Variants in LENG9 observed in about 807,000 individuals in gnomAD.
The protein encoded by LENG9 is leukocyte receptor cluster (LRC) member 9.
For synonymous variants in LENG9, 410 were observed against 303.9 expected (o/e 1.35, Z -3.63); for missense variants, 872 against 652.7 (o/e 1.34, Z -3.66).
chr19:54,463,051 A>G lies in LENG9; in HGVS notation c.476T>C (p.Leu159Pro). Residue 159 changes from leucine (L) to proline (P), a missense_variant, in exon 1 of 1, where the codon CTG (leucine) becomes CCG (proline). Physicochemically the swap from Leu to Pro is moderately conservative, Grantham distance 98. Coordinates refer to ENST00000611161, the MANE Select transcript of LENG9 (RefSeq NM_001301782.2). The part of the protein sequence containing the change: ...GSAAGRGPTI[L>P]DAPNTEGAHG... The stretch of plus-strand genomic sequence containing the variant: ...GGCGCCCTCGGTGTTCGGTGCGTCC[A>G]GGATGGTGGGCCCGCGTCCCGCCGC... The G allele has an allele frequency of 1.2e-6, 2 of 1,602,110 alleles. No individual in the cohort carries two copies. The highest frequency in any genetic ancestry group is 8.5e-7 in the Non-Finnish European group (1 of 1,179,168).
chr19:54,463,587 C>G lies in LENG9; in HGVS notation c.-61G>C. The G allele has an allele frequency of 6.0e-6, 8 of 1,336,140 alleles. No individual in the cohort carries two copies. The highest frequency in any genetic ancestry group is 7.7e-6 in the Non-Finnish European group (8 of 1,036,044). The allele number at this position is 1,336,140 out of a possible 1,614,324, so 82.8% of individuals were successfully genotyped here. A position where few individuals can be genotyped will look rare whatever the true frequency, so the allele number is the denominator to read the frequency against. Reference sequence around the variant, plus strand: ...AGGTCGCCCCGCACGGAGGGCGGCTCCCCTTGGATGCACCGAGCCTCACCC... The same window carrying G: ...AGGTCGCCCCGCACGGAGGGCGGCTGCCCTTGGATGCACCGAGCCTCACCC... On this transcript the variant is annotated 5_prime_UTR_variant, in exon 1 of 1. Transcript: ENST00000611161.
Position 54,462,032 on chromosome 19 carries a change from T to G in LENG9, c.*58A>C. The G allele has an allele frequency of 6.6e-7, 1 of 1,524,030 alleles. No homozygotes were observed. Among genetic ancestry groups the G allele is most frequent in the Non-Finnish European group, 8.8e-7 (1 of 1,131,706 alleles). 94.4% of individuals were successfully genotyped at this position (1,524,030 alleles called of 1,614,324 possible). On this transcript the variant is annotated 3_prime_UTR_variant, in exon 1 of 1. Coordinates refer to ENST00000611161, the MANE Select transcript of LENG9 (RefSeq NM_001301782.2). ...AAAGAGAGAGCGTGCACGCTCCTGC[T>G]TTGTCTTTCCTGTGTGGGCTGTTTG...
Position 54,461,976 on chromosome 19 carries a change from G to A in LENG9, c.*114C>T. 2 of 1,207,176 alleles carry A rather than the reference G, an allele frequency of 1.7e-6. No individual in the cohort carries two copies. The highest frequency in any genetic ancestry group is 3.8e-5 in the Admixed American group (2 of 52,428). 74.8% of individuals were successfully genotyped at this position (1,207,176 alleles called of 1,614,324 possible). A position where few individuals can be genotyped will look rare whatever the true frequency, so the allele number is the denominator to read the frequency against. On this transcript the variant is annotated 3_prime_UTR_variant, in exon 1 of 1. Transcript: ENST00000611161. ...TCCTTGGAGCACTGAGCACCATTTG[G>A]AAGCTTGAGAGAAACCAAAATTAAA...
chr19:54,462,501 C>T lies in LENG9; in HGVS notation c.1026G>A (p.Leu342=), dbSNP rs138616135. 5 of 1,613,372 alleles carry T rather than the reference C, an allele frequency of 3.1e-6. No individual in the cohort carries two copies. Among genetic ancestry groups the T allele is most frequent in the African/African-American group, 2.7e-5 (2 of 74,920 alleles). ...LVPSQNLHLT[L]ALLRLAGAGE... ...CAGCGCCTGCCAGTCGCAGCAGGGC[C>T]AGGGTCAGGTGTAGGTTCTGAGAGG... The change falls in exon 1 of 1, where the codon CTG becomes CTA. Residue 342 remains leucine, a synonymous_variant. Coordinates refer to ENST00000611161, the MANE Select transcript of LENG9 (RefSeq NM_001301782.2).
chr19:54,462,306 CA>C lies in LENG9; in HGVS notation c.1220del (p.Leu407ArgfsTer6). On this transcript the variant is annotated frameshift_variant, in exon 1 of 1. Transcript: ENST00000611161. LOFTEE classifies it low-confidence loss of function (END_TRUNC). ...GTAGTGTACTCAGCCCCTCGGCTTCCAGCCTCTGGCTCAGCACTTGTGCCAT... is the reference window on the plus strand; with the variant it reads ...GTAGTGTACTCAGCCCCTCGGCTTCCGCCTCTGGCTCAGCACTTGTGCCAT... ...ESMAQVLSQRLEAEGLSTLQS... is the reference protein window; with the variant it reads ...ESMAQVLSQRXEAEGLSTLQS... 3.7e-6 allele frequency: 6 copies of C among 1,602,572 alleles called. No homozygotes were observed. The highest frequency in any genetic ancestry group is 5.1e-6 in the Non-Finnish European group (6 of 1,172,548).
In LENG9 at chr19:54,463,454, G is replaced by C. The variant is rs1438762625; in HGVS notation, c.73C>G (p.Arg25Gly). 3.6e-5 allele frequency: 46 copies of C among 1,275,978 alleles called. No individual in the cohort carries two copies. Among genetic ancestry groups the C allele is most frequent in the Non-Finnish European group, 4.4e-5 (45 of 1,011,264 alleles). The allele number at this position is 1,275,978 out of a possible 1,614,324, so 79.0% of individuals were successfully genotyped here. Reference protein sequence around the residue: ...ATEPAPPPACRFFLEGRCRFG... With the variant: ...ATEPAPPPACGFFLEGRCRFG... ...CGGCAGCGGCCTTCCAGGAAGAAGC[G>C]GCAGGCCGGCGGGGGCGCGGGTTCC... The change falls in exon 1 of 1, where the codon CGC (arginine) becomes GGC (glycine). Residue 25 changes from arginine to glycine, a missense_variant. Coordinates refer to ENST00000611161, the MANE Select transcript of LENG9 (RefSeq NM_001301782.2).
At position 54,462,707 on chromosome 19, in the gene LENG9, ACTCGGCTTCTGTCGT is replaced by A; in HGVS notation, c.805_819del (p.Thr269_Glu273del). On this transcript the variant is annotated inframe_deletion, in exon 1 of 1. Coordinates refer to ENST00000611161, the MANE Select transcript of LENG9 (RefSeq NM_001301782.2). The stretch of plus-strand genomic sequence containing the variant: ...TCCTCGGGCCAGGCCGCAGGACCCC[ACTCGGCTTCTGTCGT>A]CTCAGCGGAGCCCCCCGGGACTCCC... The A allele has an allele frequency of 6.2e-7, 1 of 1,610,548 alleles. No individual in the cohort carries two copies. The highest frequency in any genetic ancestry group is 1.7e-5 in the Admixed American group (1 of 59,992).
In LENG9 at chr19:54,462,010, G is replaced by C; in HGVS notation, c.*80C>G. 1 of 1,451,842 alleles carries C rather than the reference G, an allele frequency of 6.9e-7. No homozygotes were observed. Among genetic ancestry groups the C allele is most frequent in the Non-Finnish European group, 9.4e-7 (1 of 1,064,720 alleles). The allele number at this position is 1,451,842 out of a possible 1,614,324, so 89.9% of individuals were successfully genotyped here. On this transcript the variant is annotated 3_prime_UTR_variant, in exon 1 of 1. Coordinates refer to ENST00000611161, the MANE Select transcript of LENG9 (RefSeq NM_001301782.2). ...GAGAAACCAAAATTAAAGAGAGAAA[G>C]AGAGAGCGTGCACGCTCCTGCTTTG...
chr19:54,463,673 G>T lies in LENG9; in HGVS notation c.-147C>A. 9.0e-7 allele frequency: 1 copy of T among 1,112,474 alleles called. No individual in the cohort carries two copies. 68.9% of individuals were successfully genotyped at this position (1,112,474 alleles called of 1,614,324 possible). On this transcript the variant is annotated 5_prime_UTR_variant, in exon 1 of 1. Coordinates refer to ENST00000611161, the MANE Select transcript of LENG9 (RefSeq NM_001301782.2). Reference sequence around the variant, plus strand: ...TCTGGGGACCACGCCGCGTGCCCTCGCGAGGACTCTGGCCCAGTCCCTCCT... The same window carrying T: ...TCTGGGGACCACGCCGCGTGCCCTCTCGAGGACTCTGGCCCAGTCCCTCCT...
In LENG9 at chr19:54,462,576, G is replaced by T; in HGVS notation, c.951C>A (p.Ala317=). The T allele has an allele frequency of 6.2e-7, 1 of 1,613,794 alleles. No individual in the cohort carries two copies. The highest frequency in any genetic ancestry group is 8.5e-7 in the Non-Finnish European group (1 of 1,180,020). ...GGGCCACGTGGACCAGGTATTCCTG[G>T]GCCTTGGTCACTTCTGCTTGTAGCC... The part of the protein sequence containing the change: ...EPGLQAEVTK[A]QEYLVHVAPH... Residue 317 remains alanine, a synonymous_variant, in exon 1 of 1, where the codon GCC becomes GCA. Coordinates refer to ENST00000611161, the MANE Select transcript of LENG9 (RefSeq NM_001301782.2).
In LENG9 at chr19:54,463,005, C is replaced by A. The variant is rs772171575; in HGVS notation, c.522G>T (p.Glu174Asp). ...TEGAHGAEGAEWTLAGTGQEA... is the reference protein window; with the variant it reads ...TEGAHGAEGADWTLAGTGQEA... ...CCTGACCTGTCCCCGCCAGTGTCCA[C>A]TCGGCACCCTCTGCCCCGTGGGCGC... Residue 174 changes from glutamate to aspartate, a missense_variant, in exon 1 of 1, where the codon GAG becomes GAT. Glu to Asp is a conservative substitution (Grantham distance 45). Transcript: ENST00000611161. The A allele has an allele frequency of 6.2e-7, 1 of 1,605,568 alleles. No individual in the cohort carries two copies. The highest frequency in any genetic ancestry group is 2.2e-5 in the East Asian group (1 of 44,856).
Position 54,462,567 on chromosome 19 carries a change from G to GTACC in LENG9, c.959_960insGGTA (p.Tyr320Ter), listed in dbSNP as rs775982905. On this transcript the variant is annotated stop_gained and frameshift_variant, in exon 1 of 1. Transcript: ENST00000611161. LOFTEE classifies it low-confidence loss of function (END_TRUNC). ...CGCAGTGTGGGGCCACGTGGACCAG[G>GTACC]TATTCCTGGGCCTTGGTCACTTCTG... The GTACC allele has an allele frequency of 1.9e-6, 3 of 1,613,788 alleles. No individual in the cohort carries two copies. The highest frequency in any genetic ancestry group is 2.5e-6 in the Non-Finnish European group (3 of 1,180,028).
At position 54,462,289 on chromosome 19, in the gene LENG9, C is replaced by T. The variant is rs114613410; in HGVS notation, c.1238G>A (p.Ser413Asn). Residue 413 changes from serine (S) to asparagine (N), a missense_variant, in exon 1 of 1, where the codon AGT becomes AAT. Ser to Asn is a conservative substitution (Grantham distance 46). Coordinates refer to ENST00000611161, the MANE Select transcript of LENG9 (RefSeq NM_001301782.2). ...LSQRLEAEGL[S>N]TLQSPGQLHP... Reference sequence around the variant, plus strand: ...CAGCTGCCCTGGAGACTGTAGTGTACTCAGCCCCTCGGCTTCCAGCCTCTG... The same window carrying T: ...CAGCTGCCCTGGAGACTGTAGTGTATTCAGCCCCTCGGCTTCCAGCCTCTG... 5.6e-5 allele frequency: 90 copies of T among 1,603,152 alleles called. No individual in the cohort carries two copies. In the African/African-American group the frequency reaches 9.7e-4, roughly 17 times the overall value.
rs889571859 is a variant in LENG9, at chr19:54,461,881, T to G, written c.*209A>C. On this transcript the variant is annotated 3_prime_UTR_variant, in exon 1 of 1. Transcript: ENST00000611161. ...CAAACAGCTGGACTGTCAGGCTGCT[T>G]TTTTTCCAGATGTTCCTCCTCTGCC... The G allele has an allele frequency of 4.0e-6, 3 of 756,248 alleles. No individual in the cohort carries two copies. Among genetic ancestry groups the G allele is most frequent in the Non-Finnish European group, 7.2e-6 (3 of 416,672 alleles). The allele number at this position is 756,248 out of a possible 1,614,324, so 46.8% of individuals were successfully genotyped here.
In LENG9 at chr19:54,462,777, TGTG is replaced by T; in HGVS notation, c.747_749del (p.Thr250del). Reference sequence around the variant, plus strand: ...CCTGTGCTTCCTTGCCCCCCAGCAATGTGGTCCTGGTGGCTGCTGTTGGCTTCA... The same window carrying T: ...CCTGTGCTTCCTTGCCCCCCAGCAATGTCCTGGTGGCTGCTGTTGGCTTCA... On this transcript the variant is annotated inframe_deletion, in exon 1 of 1. Transcript: ENST00000611161. 1.2e-6 allele frequency: 2 copies of T among 1,610,142 alleles called. No individual in the cohort carries two copies. Among genetic ancestry groups the T allele is most frequent in the African/African-American group, 2.7e-5 (2 of 74,150 alleles).
chr19:54,462,100 G>T lies in LENG9; in HGVS notation c.1427C>A (p.Pro476His), dbSNP rs10423424. Residue 476 changes from proline to histidine, a missense_variant, in exon 1 of 1, where the codon CCC becomes CAC. By Grantham distance (77) the Pro-to-His change is moderately conservative. Transcript: ENST00000611161. ...AGAGGTCTGGGGGTGTCACTCCAGG[G>T]GGATCTCAGCCAGGGGCTGGAAAGG... Reference protein sequence around the residue: ...GGPFQPLAEIPLE With the variant: ...GGPFQPLAEIHLE 9 of 1,565,194 alleles carry T rather than the reference G, an allele frequency of 5.8e-6. No individual in the cohort carries two copies. The South Asian group carries it at 9.5e-5, about 17-fold the overall frequency.
Position 54,463,087 on chromosome 19 carries a change from C to G in LENG9, c.440G>C (p.Gly147Ala), listed in dbSNP as rs2084648952. 6.2e-7 allele frequency: 1 copy of G among 1,602,860 alleles called. No individual in the cohort carries two copies. Among genetic ancestry groups the G allele is most frequent in the Non-Finnish European group, 8.5e-7 (1 of 1,179,452 alleles). Residue 147 changes from glycine to alanine, a missense_variant, in exon 1 of 1, where the codon GGC (glycine) becomes GCC (alanine). Transcript: ENST00000611161. The stretch of plus-strand genomic sequence containing the variant: ...CCCGCGTCCCGCCGCCGAGCCAGAG[C>G]CAAAGACGAGGTCGGTGCGCGAGGC... The part of the protein sequence containing the change: ...DRASRTDLVF[G>A]SGSAAGRGPT...
chr19:54,463,593 G>A lies in LENG9; in HGVS notation c.-67C>T. 1.5e-6 allele frequency: 2 copies of A among 1,317,348 alleles called. No individual in the cohort carries two copies. The highest frequency in any genetic ancestry group is 9.7e-7 in the Non-Finnish European group (1 of 1,026,556). 81.6% of individuals were successfully genotyped at this position (1,317,348 alleles called of 1,614,324 possible). ...CCCCGCACGGAGGGCGGCTCCCCTT[G>A]GATGCACCGAGCCTCACCCGACAGT... is the stretch of plus-strand genomic sequence containing the variant. On this transcript the variant is annotated 5_prime_UTR_variant, in exon 1 of 1. Coordinates refer to ENST00000611161, the MANE Select transcript of LENG9 (RefSeq NM_001301782.2).
chr19:54,462,918 T>TA lies in LENG9; in HGVS notation c.608_609insT (p.Gly204ArgfsTer21). On this transcript the variant is annotated frameshift_variant, in exon 1 of 1. Coordinates refer to ENST00000611161, the MANE Select transcript of LENG9 (RefSeq NM_001301782.2). LOFTEE classifies it low-confidence loss of function (END_TRUNC). Reference sequence around the variant, plus strand: ...CCAGCTCTCCGGGTTCCTCCACGCCTGGTTCCTGGTGCCCTGTGCAGAGCG... The same window carrying TA: ...CCAGCTCTCCGGGTTCCTCCACGCCTAGGTTCCTGGTGCCCTGTGCAGAGCG... 6.2e-7 allele frequency: 1 copy of TA among 1,612,414 alleles called. No homozygotes were observed. Among genetic ancestry groups the TA allele is most frequent in the Non-Finnish European group, 8.5e-7 (1 of 1,179,926 alleles).
Sources: allele counts gnomAD v4.1 joint callset, GRCh38; gene constraint gnomAD v4.1.1; transcripts MANE v1.5; gene names NCBI Gene and HGNC (gene_info 2026-07-23, HGNC 2026-07-21).